The following TNR variants were observed in gnomAD, a reference collection of about 807,000 sequenced individuals.
TNR encodes tenascin R.
A neutral mutation model predicts 150.4 loss-of-function variants in TNR; 45 were observed. The observed-to-expected ratio is 0.30, with a 90% confidence interval of 0.24 to 0.38. The LOEUF (loss-of-function observed/expected upper bound fraction) is 0.38, where lower values mean the gene tolerates loss of function less well. Ranked by LOEUF, TNR falls within the 10% of genes least tolerant of loss-of-function variation. The pLI, the probability that TNR is intolerant of heterozygous loss-of-function variation, is 1.00. For missense variants in TNR, 1,544 were observed against 1,759.1 expected (o/e 0.88, Z 2.19); for synonymous variants, 687 against 678.4 (o/e 1.01, Z -0.20).
intron 1 of TNR, among the ~76,000 whole-genome samples, chr1:175,722,719 C>A (rs1200899389): frequency 2.0e-5 from 3 of 152,202 alleles, no homozygotes; most frequent in Middle Eastern, 6.8e-3. Flanking sequence ...CCTGCCTCAG[C>A]CTTCCAAAGT....
At chr1:175,512,760 G>A (rs957227005) in intron 2 of TNR, among the ~76,000 whole-genome samples, 1 of 152,216 alleles carries the variant, frequency 6.6e-6, no homozygotes, top group African/African-American at 2.4e-5. Flanking sequence ...AGAGCACATC[G>A]TGGGTTCCTG....
chr1:175,566,561 C>A (rs1247027512), intron 1 of TNR, among the ~76,000 whole-genome samples: 1 of 152,194 alleles, frequency 6.6e-6, no homozygotes, highest in Non-Finnish European at 1.5e-5. Flanking sequence ...TCTGGGATTG[C>A]CAGTGAGAAA....
At chr1:175,371,258 CA>C (rs2102018592) in intron 9 of TNR, among the ~76,000 whole-genome samples, 1 of 152,268 alleles carries the variant, frequency 6.6e-6, no homozygotes, top group African/African-American at 2.4e-5. Context: ...AACAATAGCA[CA>C]GAAAATTCAT....
intron 19 of TNR, among the ~76,000 whole-genome samples, chr1:175,336,762 C>G (rs1319956230): frequency 6.6e-6 from 1 of 152,160 alleles, no homozygotes; most frequent in Admixed American, 6.5e-5. Context: ...GGAAGGGGAG[C>G]CAGCTATCCA....
At chr1:175,414,726 G>T (rs1054452243) in intron 2 of TNR, among the ~76,000 whole-genome samples, 4 of 152,178 alleles carry the variant, frequency 2.6e-5, no homozygotes, top group Non-Finnish European at 4.4e-5. Context: ...GCTGAAGCTT[G>T]TGTCCCACCT....
chr1:175,486,023 A>T (rs1382976611), intron 2 of TNR, among the ~76,000 whole-genome samples: 2 of 152,202 alleles, frequency 1.3e-5, no homozygotes, highest in Admixed American at 1.3e-4. Flanking sequence ...GGCACCAGGG[A>T]CTGGTTTCAC....
chr1:175,734,899 G>A (rs961588434), intron 1 of TNR, among the ~76,000 whole-genome samples: 5 of 152,232 alleles, frequency 3.3e-5, no homozygotes, highest in African/African-American at 1.2e-4. Context: ...CTCATTTGCA[G>A]AAAGACAGGA....
At chr1:175,387,106 C>A (rs530211468) in intron 7 of TNR, among the ~76,000 whole-genome samples, 11 of 152,322 alleles carry the variant, frequency 7.2e-5, no homozygotes, top group Admixed American at 3.3e-4. Context: ...CTGCAGGGCC[C>A]ACCAGCTGTG....
intron 1 of TNR, among the ~76,000 whole-genome samples, chr1:175,645,987 A>T (rs371759391): frequency 1.3e-5 from 2 of 152,230 alleles, no homozygotes; most frequent in African/African-American, 4.8e-5. Context: ...ACTAAGGGCC[A>T]CAAGAAAGGA....
intron 1 of TNR, among the ~76,000 whole-genome samples, chr1:175,591,689 C>T (rs1230736991): frequency 6.6e-6 from 1 of 152,180 alleles, no homozygotes; most frequent in Non-Finnish European, 1.5e-5. Flanking sequence ...CTTGGTTTTC[C>T]CACCTATTAC....
At chr1:175,404,674 A>G (rs768802382) in intron 3 of TNR, among the ~76,000 whole-genome samples, 3 of 152,236 alleles carry the variant, frequency 2.0e-5, no homozygotes, top group East Asian at 3.9e-4. Flanking sequence ...TTCCTTGCAG[A>G]TTTTTCCCAT....
At chr1:175,456,996 A>G (rs1026633838) in intron 2 of TNR, among the ~76,000 whole-genome samples, 2 of 152,180 alleles carry the variant, frequency 1.3e-5, no homozygotes, top group Non-Finnish European at 2.9e-5. Context: ...TGCTGGAATA[A>G]TACTTCTTCC....
chr1:175,643,341 A>G (rs1664720562), intron 1 of TNR, among the ~76,000 whole-genome samples: 1 of 152,186 alleles, frequency 6.6e-6, no homozygotes. Context: ...TTGGAAAGGA[A>G]TCAGGAGTTT....
chr1:175,405,788 C>T (rs1557912848), intron 3 of TNR, among the ~76,000 whole-genome samples: 1 of 152,106 alleles, frequency 6.6e-6, no homozygotes, highest in Non-Finnish European at 1.5e-5. Context: ...GTGAACAGAG[C>T]GTCTGCATTC....
intron 1 of TNR, among the ~76,000 whole-genome samples, chr1:175,596,298 T>A (rs1372135669): frequency 6.6e-6 from 1 of 151,786 alleles, no homozygotes; most frequent in Non-Finnish European, 1.5e-5. Flanking sequence ...GAGTGGAGGG[T>A]CCTTCTAGAA....
chr1:175,661,408 A>T (rs760068241), intron 1 of TNR, among the ~76,000 whole-genome samples: 7 of 152,198 alleles, frequency 4.6e-5, no homozygotes, highest in Admixed American at 6.5e-5. Context: ...AGAATGAAAT[A>T]GGAACTCAGA....
intron 8 of TNR, 133 bp downstream of exon 8, chr1:175,385,899 C>A: frequency 9.8e-7 from 1 of 1,018,194 alleles, no homozygotes; most frequent in Non-Finnish European, 1.4e-6. Flanking sequence ...TTCCTTCTCG[C>A]GGTGTCTATG....
At chr1:175,586,212 A>G (rs1662563177) in intron 1 of TNR, among the ~76,000 whole-genome samples, 1 of 152,186 alleles carries the variant, frequency 6.6e-6, no homozygotes, top group Non-Finnish European at 1.5e-5. Context: ...AAAGAGATGG[A>G]TGCTGGGTAG....
intron 1 of TNR, among the ~76,000 whole-genome samples, chr1:175,583,957 G>A (rs1306290133): frequency 6.6e-6 from 1 of 152,220 alleles, no homozygotes; most frequent in Non-Finnish European, 1.5e-5. Context: ...GGAAGCCAAG[G>A]AGTGTGGGGA....
Sources: allele counts gnomAD v4.1 joint callset (sites outside exome capture counted in the v4.1 genomes callset), GRCh38; gene constraint gnomAD v4.1.1; transcripts MANE v1.5; gene names NCBI Gene and HGNC (gene_info 2026-07-23, HGNC 2026-07-21).